The following CLASP2 variants were observed in gnomAD, a reference collection of about 807,000 sequenced individuals.
CLASP2 encodes CLIP-associating protein 2.
In CLASP2, 47 loss-of-function variants were observed where a neutral mutation model predicts 194.4. The ratio of observed to expected loss-of-function variants is 0.24; its 90% CI spans 0.19 to 0.31. CLASP2 has a LOEUF of 0.31. CLASP2 is among the 10% of genes least tolerant of loss of function. The pLI, the probability that CLASP2 is intolerant of heterozygous loss-of-function variation, is 1.00. For missense variants in CLASP2, 1,445 were observed against 1,823.6 expected, an observed-to-expected ratio of 0.79 and a Z score of 3.78; for synonymous variants, 619 against 633.5, an observed-to-expected ratio of 0.98 and a Z score of 0.34.
At chr3:33,706,145 G>A (rs909662056) in intron 1 of CLASP2, among the ~76,000 whole-genome samples, 5 of 151,998 alleles carry the variant, frequency 3.3e-5, no homozygotes, top group African/African-American at 7.3e-5. Flanking sequence ...TTGCTGGGGA[G>A]GCTGAGGTGG....
intron 1 of CLASP2, 31 bp downstream of exon 1, chr3:33,717,777 T>C (rs1205135540): frequency 6.5e-7 from 1 of 1,546,776 alleles, no homozygotes; most frequent in Non-Finnish European, 8.7e-7. Flanking sequence ...GCGGAGGGCG[T>C]GACCAGCCCA....
At chr3:33,554,241 A>AG in intron 29 of CLASP2, among the ~76,000 whole-genome samples, 1 of 151,994 alleles carries the variant, frequency 6.6e-6, no homozygotes, top group South Asian at 2.1e-4. Flanking sequence ...AAAAAAAAAA[A>AG]AAATGTAATC....
intron 11 of CLASP2, among the ~76,000 whole-genome samples, chr3:33,620,859 T>C (rs575556480): frequency 2.0e-5 from 3 of 152,186 alleles, no homozygotes; most frequent in East Asian, 1.9e-4. Context: ...CCTACCCCTA[T>C]ATGAGCTCTG....
intron 37 of CLASP2, among the ~76,000 whole-genome samples, chr3:33,506,793 G>C (rs2048368351): frequency 6.6e-6 from 1 of 152,068 alleles, no homozygotes; most frequent in Non-Finnish European, 1.5e-5. Flanking sequence ...ATAAATGTGA[G>C]GGTTATTTTT....
intron 37 of CLASP2, 43 bp from the exon 38 acceptor site, chr3:33,501,811 TG>T (rs1360931077): frequency 8.3e-7 from 1 of 1,200,934 alleles, no homozygotes; most frequent in African/African-American, 1.5e-5. Context: ...AGAAGTCCAC[TG>T]TTAGTACTCC....
At chr3:33,617,952 T>TA (rs368493299) in intron 12 of CLASP2, among the ~76,000 whole-genome samples, 10,484 of 76,920 alleles carry the variant, frequency 0.14, 432 homozygotes, top group Middle Eastern at 0.23. Context: ...TATATATATA[T>TA]TTTTTTTTTT....
intron 2 of CLASP2, among the ~76,000 whole-genome samples, chr3:33,695,668 G>T (rs535265185): frequency 6.6e-6 from 1 of 152,232 alleles, no homozygotes; most frequent in East Asian, 1.9e-4. Context: ...GGCCAGGCAT[G>T]GTGGTTCATG....
At chr3:33,662,643 T>C (rs946274029) in intron 7 of CLASP2, among the ~76,000 whole-genome samples, 1 of 152,196 alleles carries the variant, frequency 6.6e-6, no homozygotes, top group Non-Finnish European at 1.5e-5. Context: ...GTTTTCCAAT[T>C]ATTTGACTGT....
chr3:33,541,496 C>T (rs1254103864), intron 32 of CLASP2, among the ~76,000 whole-genome samples: 2 of 152,172 alleles, frequency 1.3e-5, no homozygotes, highest in African/African-American at 2.4e-5. Flanking sequence ...ACCCTCTGCC[C>T]TCTGGTAGGC....
At chr3:33,644,471 A>C in intron 8 of CLASP2, 2 of 380,726 alleles carry the variant, frequency 5.3e-6, no homozygotes, top group South Asian at 2.7e-5. Context: ...CTTAAAAAAA[A>C]CAAAAAAACC....
At chr3:33,527,090 C>T (rs973053796) in intron 34 of CLASP2, among the ~76,000 whole-genome samples, 20 of 151,924 alleles carry the variant, frequency 1.3e-4, no homozygotes, top group Admixed American at 1.1e-3. Context: ...ACAAATTAAC[C>T]CCAATGTTAG....
intron 6 of CLASP2, among the ~76,000 whole-genome samples, chr3:33,673,444 A>G (rs1437210643): frequency 1.3e-5 from 2 of 152,174 alleles, no homozygotes; most frequent in African/African-American, 2.4e-5. Context: ...TGAAGGAAGC[A>G]CTAAACATGG....
At chr3:33,668,581 T>C (rs551812625) in intron 6 of CLASP2, among the ~76,000 whole-genome samples, 2 of 152,366 alleles carry the variant, frequency 1.3e-5, no homozygotes, top group South Asian at 4.1e-4. Flanking sequence ...AATCTACGCT[T>C]TAACTTACAG....
chr3:33,619,250 C>T (rs1414177921), intron 12 of CLASP2, among the ~76,000 whole-genome samples: 1 of 152,112 alleles, frequency 6.6e-6, no homozygotes, highest in East Asian at 1.9e-4. Flanking sequence ...TGTGAGGTGG[C>T]ACATAACTAC....
chr3:33,628,800 A>G (rs2078524544), intron 9 of CLASP2, among the ~76,000 whole-genome samples: 1 of 152,114 alleles, frequency 6.6e-6, no homozygotes, highest in South Asian at 2.1e-4. Flanking sequence ...AAGAAAATAG[A>G]GAATGAGAAG....
Position 33,497,358 on chromosome 3 carries a change from C to T in CLASP2, c.*1273G>A, listed in dbSNP as rs923072483. 1 of 152,472 alleles carries T rather than the reference C, an allele frequency of 6.6e-6. No homozygotes were observed. Among genetic ancestry groups the T allele is most frequent in the African/African-American group, 2.4e-5 (1 of 41,394 alleles). 9.4% of individuals were successfully genotyped at this position (152,472 alleles called of 1,614,324 possible). On this transcript the variant is annotated 3_prime_UTR_variant, in exon 39 of 39. Coordinates refer to ENST00000682230, the MANE Select transcript of CLASP2 (RefSeq NM_001365631.1). Reference sequence around the variant, plus strand: ...GTAAAGATGAGAAATCATTAGTATCCTGGTTCCAAATTATCTAATTTAGCC... The same window carrying T: ...GTAAAGATGAGAAATCATTAGTATCTTGGTTCCAAATTATCTAATTTAGCC...
In CLASP2 at chr3:33,568,256, A is replaced by C. The variant is rs190234596; in HGVS notation, c.2764-1522T>G. ...AAAGGCTATTTAGTGATACATGAAA[A>C]TTATATAACCACATGGTCAGGCATG... is the stretch of plus-strand genomic sequence containing the variant. On this transcript the variant is annotated intron_variant, in intron 26 of 38. Transcript: ENST00000682230. 3.9e-4 allele frequency among the ~76,000 whole-genome samples: 60 copies of C among 152,220 alleles called. No homozygotes were observed. In the Middle Eastern group the frequency reaches 0.02, roughly 52 times the overall value.
intron 18 of CLASP2, among the ~76,000 whole-genome samples, chr3:33,598,811 T>A (rs927838465): frequency 2.6e-5 from 4 of 152,172 alleles, no homozygotes; most frequent in Admixed American, 2.6e-4. Context: ...ATAAACTCAA[T>A]TGTTAGAATA....
At chr3:33,586,748 G>T (rs557556680) in intron 21 of CLASP2, among the ~76,000 whole-genome samples, 1 of 152,100 alleles carries the variant, frequency 6.6e-6, no homozygotes, top group East Asian at 1.9e-4. Flanking sequence ...TTTTCCCTTC[G>T]TGGGCACTAC....
Sources: gnomAD v4.1 joint callset for allele counts (sites outside exome capture counted in the v4.1 genomes callset) on GRCh38, gnomAD v4.1.1 for gene constraint, MANE v1.5 for transcripts, NCBI Gene and HGNC (gene_info 2026-07-23, HGNC 2026-07-21) for gene names.